Variants in CCDC102B observed in about 807,000 individuals in gnomAD.
CCDC102B encodes the protein coiled-coil domain-containing protein 102B.
In CCDC102B, 75 loss-of-function variants were observed where a neutral mutation model predicts 57.4. That is an observed-to-expected ratio of 1.31 (90% CI 1.08 to 1.58). CCDC102B has a LOEUF of 1.58. Ranked by LOEUF, CCDC102B falls within the 40% of genes most tolerant of loss-of-function variation. The pLI, the probability that CCDC102B is intolerant of heterozygous loss-of-function variation, is 0.00. For missense variants in CCDC102B, 636 were observed against 582.6 expected (o/e 1.09, Z -0.94); for synonymous variants, 206 against 201.9 (o/e 1.02, Z -0.17).
In CCDC102B at chr18:68,884,276, G is replaced by GA. The variant is rs1420202794; in HGVS notation, c.1053+9498dup. Among the ~76,000 whole-genome samples the GA allele has an allele frequency of 3.9e-5, 6 of 152,036 alleles. No individual in the cohort carries two copies. In the South Asian group the frequency reaches 6.2e-4, roughly 16 times the overall value. Reference sequence around the variant, plus strand: ...TAGAAACAACCCAGTGTTCACTTATGAAAAAAATGGTTAAAGAAACTGTGA... The same window carrying GA: ...TAGAAACAACCCAGTGTTCACTTATGAAAAAAAATGGTTAAAGAAACTGTGA... On this transcript the variant is annotated intron_variant, in intron 5 of 7. Coordinates refer to ENST00000360242, the MANE Select transcript of CCDC102B (RefSeq NM_024781.3).
chr18:68,973,075 G>A (rs2050342242), intron 6 of CCDC102B, among the ~76,000 whole-genome samples: 1 of 152,108 alleles, frequency 6.6e-6, no homozygotes, highest in African/African-American at 2.4e-5. Flanking sequence ...ATATCATTGA[G>A]TCTGTTTATT....
intron 6 of CCDC102B, among the ~76,000 whole-genome samples, chr18:69,008,316 G>A (rs2051407390): frequency 6.6e-6 from 1 of 152,190 alleles, no homozygotes; most frequent in African/African-American, 2.4e-5. Flanking sequence ...GTATAATTCA[G>A]CAAACTCAGT....
chr18:68,852,142 C>G (rs945141577), intron 4 of CCDC102B, among the ~76,000 whole-genome samples: 4 of 151,050 alleles, frequency 2.6e-5, no homozygotes, highest in East Asian at 3.9e-4. Flanking sequence ...CCCTCTCCCC[C>G]ACTATGTACA....
At chr18:68,975,655 T>C (rs537672182) in intron 6 of CCDC102B, among the ~76,000 whole-genome samples, 1 of 152,080 alleles carries the variant, frequency 6.6e-6, no homozygotes, top group East Asian at 1.9e-4. Flanking sequence ...TTTTCTGAGG[T>C]TGATCTCAGA....
intron 6 of CCDC102B, among the ~76,000 whole-genome samples, chr18:68,965,364 T>C (rs989808014): frequency 7.3e-5 from 11 of 151,676 alleles, no homozygotes; most frequent in African/African-American, 2.7e-4. Context: ...ATTTTTAAAA[T>C]ATTTTTATTA....
intron 2 of CCDC102B, among the ~76,000 whole-genome samples, chr18:68,717,761 CTT>C (rs1433708458): frequency 6.6e-6 from 1 of 152,108 alleles, no homozygotes; most frequent in Non-Finnish European, 1.5e-5. Flanking sequence ...TTTTAAAAGA[CTT>C]TCAGATAAGC....
At chr18:68,924,556 A>G (rs992801610) in intron 6 of CCDC102B, among the ~76,000 whole-genome samples, 4 of 152,076 alleles carry the variant, frequency 2.6e-5, no homozygotes, top group African/African-American at 9.7e-5. Flanking sequence ...AACAGTATGA[A>G]AATGGACTAA....
At chr18:69,026,872 A>G (rs61479429) in intron 7 of CCDC102B, among the ~76,000 whole-genome samples, 11,959 of 152,242 alleles carry the variant, frequency 0.079, 1,568 homozygotes, top group African/African-American at 0.27. Flanking sequence ...GAATACGTTT[A>G]TAAAAATAAT....
intron 2 of CCDC102B, among the ~76,000 whole-genome samples, chr18:68,736,192 A>G (rs919753157): frequency 9.9e-5 from 15 of 152,228 alleles, no homozygotes; most frequent in African/African-American, 2.9e-4. Context: ...AGGTTGTTTT[A>G]GGATATACAC....
intron 4 of CCDC102B, chr18:68,858,850 G>C (rs2038604810): frequency 6.6e-6 from 1 of 152,130 alleles, no homozygotes; most frequent in Non-Finnish European, 1.5e-5. Flanking sequence ...AAACTGTCAA[G>C]AAGATGGGAA....
chr18:68,733,478 T>TTATATATATATATATATA (rs1301629816), intron 2 of CCDC102B, among the ~76,000 whole-genome samples: 7 of 25,140 alleles, frequency 2.8e-4, no homozygotes, highest in African/African-American at 1.1e-3. Context: ...TTAGACAACT[T>TTATATATATATATATATA]TATATATATA....
chr18:68,998,987 TATATATATATATAGAGAGAGAGAGAGAG>T (rs1487163708), intron 6 of CCDC102B, among the ~76,000 whole-genome samples: 1 of 80,850 alleles, frequency 1.2e-5, no homozygotes, highest in Non-Finnish European at 2.5e-5. Flanking sequence ...TATATATATA[TATATATATATATAGAGAGAGAGAGAGAG>T]AGAGAGAGAG....
At chr18:68,969,533 C>T (rs1328356892) in intron 6 of CCDC102B, among the ~76,000 whole-genome samples, 1 of 149,994 alleles carries the variant, frequency 6.7e-6, no homozygotes, top group Non-Finnish European at 1.5e-5. Context: ...AGATCAATCC[C>T]TGCAATTTGC....
At chr18:69,029,615 C>T (rs1162846511) in intron 7 of CCDC102B, among the ~76,000 whole-genome samples, 1 of 152,188 alleles carries the variant, frequency 6.6e-6, no homozygotes, top group Admixed American at 6.5e-5. Context: ...CAGTTCTCAA[C>T]TCTGGAGGTC....
intron 4 of CCDC102B, among the ~76,000 whole-genome samples, chr18:68,867,638 TAA>T (rs1321692139): frequency 6.6e-6 from 1 of 151,928 alleles, no homozygotes; most frequent in African/African-American, 2.4e-5. Flanking sequence ...TAGAGGGAGA[TAA>T]AGAGGGCTAG....
At chr18:68,998,308 T>C (rs375097161) in intron 6 of CCDC102B, among the ~76,000 whole-genome samples, 3 of 106,818 alleles carry the variant, frequency 2.8e-5, no homozygotes, top group African/African-American at 8.8e-5. Context: ...TATACACACA[T>C]ATATACACAT....
intron 5 of CCDC102B, among the ~76,000 whole-genome samples, chr18:68,892,743 A>C (rs1012363860): frequency 6.6e-6 from 1 of 152,226 alleles, no homozygotes; most frequent in Non-Finnish European, 1.5e-5. Context: ...TACAAAACAG[A>C]CATCTAAATA....
At chr18:69,027,434 T>G (rs573029219) in intron 7 of CCDC102B, among the ~76,000 whole-genome samples, 1 of 152,354 alleles carries the variant, frequency 6.6e-6, no homozygotes, top group African/African-American at 2.4e-5. Flanking sequence ...ATTTTTGTAC[T>G]CAGCCAATTT....
intron 6 of CCDC102B, among the ~76,000 whole-genome samples, chr18:68,948,289 T>C: frequency 6.6e-6 from 1 of 152,250 alleles, no homozygotes; most frequent in South Asian, 2.1e-4. Flanking sequence ...ATTTTTCTTT[T>C]AGATATAGCA....
Sources: allele counts gnomAD v4.1 joint callset (sites outside exome capture counted in the v4.1 genomes callset), GRCh38; gene constraint gnomAD v4.1.1; transcripts MANE v1.5; gene names NCBI Gene and HGNC (gene_info 2026-07-23, HGNC 2026-07-21).